COL4A4: variants seen among roughly 807,000 people sequenced by gnomAD.
COL4A4 encodes collagen type IV alpha 4 chain.
In COL4A4, 105 loss-of-function variants were observed where a neutral mutation model predicts 192.9. That is an observed-to-expected ratio of 0.54 (90% CI 0.46 to 0.64). The LOEUF (loss-of-function observed/expected upper bound fraction) is 0.64. Among genes scored for constraint, COL4A4 ranks in the 30% least tolerant of loss-of-function variants. COL4A4 has a pLI of 0.00. For synonymous variants in COL4A4, 762 were observed against 769.9 expected (o/e 0.99, Z 0.17); for missense variants, 1,967 against 2,169.3 (o/e 0.91, Z 1.85).
At chr2:227,149,986 G>T (rs1447710921) in intron 1 of COL4A4, among the ~76,000 whole-genome samples, 2 of 152,174 alleles carry the variant, frequency 1.3e-5, no homozygotes, top group Non-Finnish European at 2.9e-5. Flanking sequence ...CATGTCCTTG[G>T]TTACCATATA....
At chr2:226,988,314 C>G in the COL4A4 span, 1 of 1,546,758 alleles carries the variant, frequency 6.5e-7, no homozygotes, top group Admixed American at 2.0e-5. Flanking sequence ...CCACTGTGCC[C>G]CACCTGAACA....
the COL4A4 span, among the ~76,000 whole-genome samples, chr2:226,975,203 A>G: frequency 1.0e-3 from 154 of 152,332 alleles, no homozygotes; most frequent in African/African-American, 3.5e-3. Context: ...GAAACTCTTC[A>G]TAACAGGACC....
chr2:227,115,257 C>T (rs995579271), intron 7 of COL4A4, among the ~76,000 whole-genome samples: 2 of 150,022 alleles, frequency 1.3e-5, no homozygotes, highest in Non-Finnish European at 3.0e-5. Context: ...ATCTTAATAT[C>T]CTACTTTAAT....
chr2:227,089,909 T>C lies in COL4A4; in HGVS notation c.1418A>G (p.Lys473Arg). The C allele has an allele frequency of 1.2e-6, 2 of 1,613,746 alleles. No homozygotes were observed. Among genetic ancestry groups the C allele is most frequent in the East Asian group, 2.2e-5 (1 of 44,854 alleles). Reference protein sequence around the residue: ...GNPGPQGIKGKVGPPGGRGPK... With the variant: ...GNPGPQGIKGRVGPPGGRGPK... ...GCCTCTTCCTCCTGGGGGACCAACT[T>C]TGCCTTTTATTCCTTGTGGTCCGGG... Residue 473 changes from lysine to arginine, a missense_variant, in exon 21 of 48, where the codon AAA becomes AGA. Transcript: ENST00000396625.
Position 227,041,794 on chromosome 2 carries a change from A to AGGGAAAG in COL4A4, c.3505+353_3505+354insCTTTCCC. Reference sequence around the variant, plus strand: ...AGGAAGGAAGGAAGGAAGGGAAAGAAAGAAAGAAAGGAAGAAAGAAAGAAA... The same window carrying AGGGAAAG: ...AGGAAGGAAGGAAGGAAGGGAAAGAAGGGAAAGAGAAAGAAAGGAAGAAAGAAAGAAA... On this transcript the variant is annotated intron_variant, in intron 37 of 47. Coordinates refer to ENST00000396625, the MANE Select transcript of COL4A4 (RefSeq NM_000092.5). Among the ~76,000 whole-genome samples the AGGGAAAG allele has an allele frequency of 5.4e-5, 3 of 55,928 alleles. No homozygotes were observed. In the East Asian group the frequency reaches 1.6e-3, roughly 29 times the overall value. The allele number at this position is 55,928 out of a possible 152,430, so 36.7% of individuals were successfully genotyped here. A position where few individuals can be genotyped will look rare whatever the true frequency, so the allele number is the denominator to read the frequency against.
intron 17 of COL4A4, among the ~76,000 whole-genome samples, chr2:227,100,998 C>A (rs557566840): frequency 6.6e-6 from 1 of 151,886 alleles, no homozygotes; most frequent in Admixed American, 6.6e-5. Context: ...TTAGTAGAGA[C>A]GGGGTTTCAC....
the COL4A4 span, among the ~76,000 whole-genome samples, chr2:226,974,884 G>A: frequency 6.6e-6 from 1 of 152,148 alleles, no homozygotes; most frequent in African/African-American, 2.4e-5. Context: ...GGACATCCTG[G>A]AGATCTTGGT....
intron 4 of COL4A4, among the ~76,000 whole-genome samples, chr2:227,127,715 G>A (rs773482838): frequency 1.6e-4 from 24 of 152,046 alleles, no homozygotes; most frequent in Non-Finnish European, 2.5e-4. Flanking sequence ...CTAAGAAATC[G>A]TTTGTCATTT....
At chr2:227,154,453 T>G (rs1403182172) in intron 1 of COL4A4, among the ~76,000 whole-genome samples, 1 of 152,248 alleles carries the variant, frequency 6.6e-6, no homozygotes, top group Non-Finnish European at 1.5e-5. Context: ...GAGTATTGGA[T>G]GCTTCCAGTC....
At chr2:227,030,916 A>AGATG (rs10689496) in intron 40 of COL4A4, among the ~76,000 whole-genome samples, 54,262 of 145,680 alleles carry the variant, frequency 0.37, 10,468 homozygotes, top group East Asian at 0.65. Flanking sequence ...TGCTTTAATA[A>AGATG]GATGGATGGA....
At position 227,010,293 on chromosome 2, in the gene COL4A4, G is replaced by A. The variant is rs1311178955; in HGVS notation, c.4522+20C>T. 2 of 1,613,848 alleles carry A rather than the reference G, an allele frequency of 1.2e-6. No individual in the cohort carries two copies. The highest frequency in any genetic ancestry group is 1.3e-5 in the African/African-American group (1 of 74,938). On this transcript the variant is annotated intron_variant, in intron 46 of 47. Coordinates refer to ENST00000396625, the MANE Select transcript of COL4A4 (RefSeq NM_000092.5). ...ATTTTACTCTTCAGGCAATGGAGAT[G>A]GGCGATCCTGTATCCATACCAAGGT...
intron 34 of COL4A4, among the ~76,000 whole-genome samples, chr2:227,048,014 C>A (rs147251253): frequency 6.6e-6 from 1 of 152,238 alleles, no homozygotes; most frequent in African/African-American, 2.4e-5. Context: ...AGGCATACTG[C>A]ATTGATGACA....
intron 35 of COL4A4, among the ~76,000 whole-genome samples, chr2:227,046,916 C>T (rs1056290619): frequency 1.3e-5 from 2 of 152,034 alleles, no homozygotes; most frequent in Non-Finnish European, 2.9e-5. Flanking sequence ...AAGCAAAATA[C>T]TGTTTAAAAT....
downstream of COL4A4, among the ~76,000 whole-genome samples, chr2:227,002,119 A>T (rs1454339737): frequency 6.9e-6 from 1 of 145,488 alleles, no homozygotes; most frequent in Non-Finnish European, 1.5e-5. Context: ...CCAGTGAGCC[A>T]TGATTGTACC....
chr2:226,998,521 T>C (rs2149650987), downstream of COL4A4: 1 of 152,320 alleles, frequency 6.6e-6, no homozygotes, highest in African/African-American at 2.4e-5. Context: ...AAAAAATATA[T>C]ATATAACTTC....
At chr2:227,122,428 T>G (rs1427177190) in intron 4 of COL4A4, among the ~76,000 whole-genome samples, 1 of 152,364 alleles carries the variant, frequency 6.6e-6, no homozygotes, top group Middle Eastern at 3.4e-3. Flanking sequence ...TCTTGATGTA[T>G]GGACAGAAAA....
chr2:227,041,852 A>AAGAGAGAGAGAGAGAGAGAGAG, intron 37 of COL4A4, among the ~76,000 whole-genome samples: 1 of 71,366 alleles, frequency 1.4e-5, no homozygotes, highest in Non-Finnish European at 2.8e-5. Context: ...AAGAAAGAGA[A>AAGAGAGAGAGAGAGAGAGAGAG]AGAAAGAAAG....
In COL4A4 at chr2:227,050,030, T is replaced by C; in HGVS notation, c.3214+38A>G. 3 of 1,578,622 alleles carry C rather than the reference T, an allele frequency of 1.9e-6. 1 individual carries two copies. The South Asian group carries it at 3.3e-5, about 17-fold the overall frequency. On this transcript the variant is annotated intron_variant, in intron 34 of 47. Transcript: ENST00000396625. ...ACAATGTTATAAACATTCGGGACTA[T>C]GCATTTGACAGATGGCTTCTGTATC...
At chr2:227,091,851 G>A (rs949931738) in intron 20 of COL4A4, among the ~76,000 whole-genome samples, 5 of 151,606 alleles carry the variant, frequency 3.3e-5, no homozygotes, top group African/African-American at 1.2e-4. Flanking sequence ...AACCAAGATT[G>A]CATCACTGCA....
Sources: gnomAD v4.1 joint callset for allele counts (sites outside exome capture counted in the v4.1 genomes callset) on GRCh38, gnomAD v4.1.1 for gene constraint, MANE v1.5 for transcripts, NCBI Gene and HGNC (gene_info 2026-07-23, HGNC 2026-07-21) for gene names.